The following BIRC6 variants were observed in gnomAD, a reference collection of about 807,000 sequenced individuals.
BIRC6 encodes baculoviral IAP repeat containing 6, also known as dual E2 ubiquitin-conjugating enzyme/E3 ubiquitin-protein ligase BIRC6.
BIRC6 carries 98 observed loss-of-function variants against 503.3 expected under a neutral mutation model. The observed-to-expected ratio is 0.19, with a 90% CI of 0.17 to 0.23. BIRC6 has a LOEUF of 0.23. Ranked by LOEUF, BIRC6 falls within the 10% of genes least tolerant of loss-of-function variation. BIRC6 has a pLI of 1.00. For synonymous variants in BIRC6, 2,240 were observed against 2,078.7 expected (o/e 1.08, Z -2.11); for missense variants, 5,360 against 5,806.0 (o/e 0.92, Z 2.50).
intron 10 of BIRC6, among the ~76,000 whole-genome samples, chr2:32,426,979 A>G (rs972353629): frequency 2.6e-5 from 4 of 152,130 alleles, no homozygotes; most frequent in Non-Finnish European, 5.9e-5. Flanking sequence ...TGTTTCTCAT[A>G]GTGATCTGTT....
intron 2 of BIRC6, among the ~76,000 whole-genome samples, chr2:32,377,981 T>C (rs2037063824): frequency 6.6e-6 from 1 of 152,212 alleles, no homozygotes; most frequent in Non-Finnish European, 1.5e-5. Flanking sequence ...TAGGTGTGAA[T>C]GGTGCATCAG....
chr2:32,531,253 T>C (rs567168035), intron 60 of BIRC6, 102 bp from the exon 61 acceptor site: 5 of 976,168 alleles, frequency 5.1e-6, no homozygotes, highest in Non-Finnish European at 7.4e-6. Flanking sequence ...GTGCTCTTTT[T>C]TGAGTAGCAA....
intron 65 of BIRC6, chr2:32,557,687 C>T (rs543961147): frequency 6.6e-6 from 1 of 152,182 alleles, no homozygotes; most frequent in Non-Finnish European, 1.5e-5. Context: ...TGAATGCAGT[C>T]CCTTGAACGA....
chr2:32,370,257 T>G (rs557999339), intron 1 of BIRC6, among the ~76,000 whole-genome samples: 1 of 151,676 alleles, frequency 6.6e-6, no homozygotes, highest in Non-Finnish European at 1.5e-5. Context: ...CATGATAAAT[T>G]TTTCGTGGTG....
chr2:32,543,919 T>C (rs1306196098), intron 62 of BIRC6, among the ~76,000 whole-genome samples: 1 of 152,154 alleles, frequency 6.6e-6, no homozygotes, highest in Non-Finnish European at 1.5e-5. Context: ...GAGTGCAGTA[T>C]TATGGAGAAA....
intron 21 of BIRC6, among the ~76,000 whole-genome samples, chr2:32,446,743 T>G (rs1037819162): frequency 8.4e-6 from 1 of 119,704 alleles, no homozygotes; most frequent in Non-Finnish European, 1.7e-5. Flanking sequence ...GCGCTGTTTT[T>G]TTTTTTTTTT....
At chr2:32,544,903 C>G (rs1351790574) in intron 62 of BIRC6, among the ~76,000 whole-genome samples, 2 of 151,238 alleles carry the variant, frequency 1.3e-5, no homozygotes, top group African/African-American at 4.9e-5. Context: ...GGGGTAAGAA[C>G]CATATTTTTT....
At chr2:32,559,815 G>A (rs969390878) in intron 65 of BIRC6, among the ~76,000 whole-genome samples, 7 of 151,818 alleles carry the variant, frequency 4.6e-5, no homozygotes, top group African/African-American at 1.7e-4. Context: ...GAGTTCAAGG[G>A]TTTGCCTGGC....
intron 38 of BIRC6, 106 bp from the exon 39 acceptor site, chr2:32,482,323 A>T (rs2050499809): frequency 9.1e-7 from 1 of 1,097,320 alleles, no homozygotes; most frequent in South Asian, 1.8e-5. Flanking sequence ...TAAAGGGTGG[A>T]TAGAATATTT....
rs2044388164 is a variant in BIRC6, at chr2:32,433,793, G to A, written c.3398G>A (p.Gly1133Glu). 15 of 1,557,918 alleles carry A rather than the reference G, an allele frequency of 9.6e-6. No individual in the cohort carries two copies. The highest frequency in any genetic ancestry group is 1.7e-5 in the Admixed American group (1 of 58,782). Residue 1133 changes from glycine (G) to glutamate (E), a missense_variant, in exon 13 of 74, where the codon GGG becomes GAG. Gly to Glu is a moderately conservative substitution (Grantham distance 98). This residue lies in a region of BIRC6 where 2,299 missense variants were observed against 2,267.2 expected (regional missense o/e 1.01). Transcript: ENST00000421745. ...TLLKNKAPGLGKVNALNIEVE... is the reference protein window; with the variant it reads ...TLLKNKAPGLEKVNALNIEVE... Reference sequence around the variant, plus strand: ...CTGAAAAATAAAGCTCCAGGATTAGGGAAAGTCAATGGTAAGAATGTATCA... The same window carrying A: ...CTGAAAAATAAAGCTCCAGGATTAGAGAAAGTCAATGGTAAGAATGTATCA...
chr2:32,437,541 A>G (rs1008308050), intron 15 of BIRC6, among the ~76,000 whole-genome samples: 3 of 152,244 alleles, frequency 2.0e-5, no homozygotes, highest in African/African-American at 7.2e-5. Context: ...TTGCAGACAT[A>G]GTACAGGTCA....
intron 1 of BIRC6, among the ~76,000 whole-genome samples, chr2:32,362,000 G>A (rs1373871889): frequency 1.3e-5 from 2 of 152,180 alleles, no homozygotes; most frequent in South Asian, 2.1e-4. Context: ...AAACATTTGT[G>A]TGCAGGTTTT....
intron 5 of BIRC6, among the ~76,000 whole-genome samples, chr2:32,393,932 A>G (rs2039554639): frequency 7.0e-6 from 1 of 142,564 alleles, no homozygotes. Context: ...CTTTACTAAA[A>G]TTAAACCAGA....
chr2:32,463,047 A>G, intron 23 of BIRC6, 147 bp from the exon 24 acceptor site: 1 of 571,298 alleles, frequency 1.8e-6, no homozygotes, highest in South Asian at 2.9e-5. Flanking sequence ...TTCCTTATTT[A>G]TACTTTCCAG....
At chr2:32,482,348 T>G in intron 38 of BIRC6, 81 bp from the exon 39 acceptor site, 1 of 1,337,034 alleles carries the variant, frequency 7.5e-7, no homozygotes, top group Admixed American at 2.1e-5. Context: ...TGTAGTTCTG[T>G]TTGGGTTTAG....
intron 36 of BIRC6, 81 bp downstream of exon 36, chr2:32,478,899 A>AC: frequency 1.4e-6 from 2 of 1,391,592 alleles, no homozygotes; most frequent in Non-Finnish European, 2.0e-6. Context: ...GGGATCTTTA[A>AC]CCCCTAGAGG....
chr2:32,398,779 A>G (rs904237571), intron 6 of BIRC6, among the ~76,000 whole-genome samples: 2 of 152,120 alleles, frequency 1.3e-5, no homozygotes, highest in Admixed American at 6.5e-5. Flanking sequence ...AAAACTCAGG[A>G]AAGAGAGAGA....
At position 32,442,386 on chromosome 2, in the gene BIRC6, G is replaced by A. The variant is rs150284362; in HGVS notation, c.4169G>A (p.Arg1390His). The change falls in exon 19 of 74, where the codon CGT becomes CAT. Residue 1390 changes from arginine (R) to histidine (H), a missense_variant. Around this residue, in one of 16 missense-constraint regions of BIRC6, gnomAD observed 2,299 missense variants for 2,267.2 expected, o/e 1.01. Transcript: ENST00000421745. ...CGAAAATTTCTGTCAGACATCGTAC[G>A]TGTTTGCTTCTTTGAGGCAGGACGA... ...KTRKFLSDIV[R>H]VCFFEAGRSI... 4.2e-5 allele frequency: 67 copies of A among 1,611,714 alleles called. No individual in the cohort carries two copies. The highest frequency in any genetic ancestry group is 5.1e-5 in the Non-Finnish European group (60 of 1,178,878).
chr2:32,555,943 AC>A (rs1189889978), intron 65 of BIRC6, among the ~76,000 whole-genome samples: 1 of 151,600 alleles, frequency 6.6e-6, no homozygotes, highest in Non-Finnish European at 1.5e-5. Context: ...AGGTAGAGTA[AC>A]CTGCCACTTT....
Sources: allele counts gnomAD v4.1 joint callset (sites outside exome capture counted in the v4.1 genomes callset), GRCh38; gene constraint gnomAD v4.1.1; regional missense constraint gnomAD v4.1.1; transcripts MANE v1.5; gene names NCBI Gene and HGNC (gene_info 2026-07-23, HGNC 2026-07-21).